RNF38: variants seen among roughly 807,000 people sequenced by gnomAD.
RNF38 encodes ring finger protein 38.
A neutral mutation model predicts 67.2 loss-of-function variants in RNF38; 15 were observed. The observed-to-expected ratio is 0.22, with a 90% CI of 0.15 to 0.34. The LOEUF (loss-of-function observed/expected upper bound fraction) is 0.34, where lower values mean the gene tolerates loss of function less well. Ranked by LOEUF, RNF38 falls within the 10% of genes least tolerant of loss-of-function variation. The probability of loss-of-function intolerance (pLI) is 1.00; values close to 1 mark genes in which losing one functional copy is unlikely to be tolerated. For synonymous variants in RNF38, 220 were observed against 218.8 expected, an observed-to-expected ratio of 1.01 and a Z score of -0.05; for missense variants, 524 against 639.9, an observed-to-expected ratio of 0.82 and a Z score of 1.95.
Position 36,336,959 on chromosome 9 carries a change from G to A in RNF38, c.*2793C>T, listed in dbSNP as rs1304493224. The A allele has an allele frequency of 2.0e-5, 3 of 151,970 alleles. No individual in the cohort carries two copies. Among genetic ancestry groups the A allele is most frequent in the African/African-American group, 7.3e-5 (3 of 41,354 alleles). 9.4% of individuals were successfully genotyped at this position (151,970 alleles called of 1,614,324 possible). On this transcript the variant is annotated 3_prime_UTR_variant, in exon 12 of 12. Transcript: ENST00000259605. Reference sequence around the variant, plus strand: ...TAATATGAGATCTTGATACCTGGAGGCCTTATTTTTTTGAGGGGCTGGGGG... The same window carrying A: ...TAATATGAGATCTTGATACCTGGAGACCTTATTTTTTTGAGGGGCTGGGGG...
chr9:36,468,705 G>A (rs1268852918), intron 1 of RNF38, among the ~76,000 whole-genome samples: 9 of 151,166 alleles, frequency 6.0e-5, no homozygotes, highest in East Asian at 2.0e-4. Flanking sequence ...CCAGCTACTC[G>A]GGAGGCCGAG....
At chr9:36,342,259 C>T in intron 11 of RNF38, 66 bp downstream of exon 11, 1 of 1,136,944 alleles carries the variant, frequency 8.8e-7, no homozygotes, top group Non-Finnish European at 1.3e-6. Context: ...TATGAACTTA[C>T]TCTAATCCAT....
chr9:36,421,466 C>A (rs569553659), intron 2 of RNF38, among the ~76,000 whole-genome samples: 1 of 151,878 alleles, frequency 6.6e-6, no homozygotes, highest in South Asian at 2.1e-4. Flanking sequence ...GAGTTTGAGA[C>A]CAGCCTGACC....
At chr9:36,350,002 G>C (rs1435082621) in intron 9 of RNF38, among the ~76,000 whole-genome samples, 1 of 151,990 alleles carries the variant, frequency 6.6e-6, no homozygotes, top group Non-Finnish European at 1.5e-5. Context: ...TATTTTTATA[G>C]AAACGGGGTT....
At chr9:36,404,839 C>G (rs1381580500), upstream of RNF38, among the ~76,000 whole-genome samples, 1 of 152,118 alleles carries the variant, frequency 6.6e-6, no homozygotes, top group Non-Finnish European at 1.5e-5. Flanking sequence ...TAGTACAGTG[C>G]TAACCAGACA....
upstream of RNF38, chr9:36,400,838 C>T: frequency 1.0e-6 from 1 of 982,666 alleles, no homozygotes; most frequent in Non-Finnish European, 1.2e-6. Flanking sequence ...CACGCCCCAA[C>T]CGACCGGGCC....
chr9:36,451,180 T>C (rs1230150736), intron 1 of RNF38, among the ~76,000 whole-genome samples: 2 of 150,650 alleles, frequency 1.3e-5, no homozygotes, highest in South Asian at 2.1e-4. Flanking sequence ...CTGCAGTATT[T>C]TGGCCGGGCG....
chr9:36,459,561 C>T (rs1490918067), intron 1 of RNF38, among the ~76,000 whole-genome samples: 1 of 152,122 alleles, frequency 6.6e-6, no homozygotes, highest in African/African-American at 2.4e-5. Flanking sequence ...TGTTTTCTGA[C>T]ACTGAAGAAT....
intron 1 of RNF38, among the ~76,000 whole-genome samples, chr9:36,484,000 G>T (rs1183526098): frequency 6.6e-6 from 1 of 152,248 alleles, no homozygotes; most frequent in East Asian, 1.9e-4. Context: ...AAAGTATCAC[G>T]TGGGTCAAAA....
intron 6 of RNF38, among the ~76,000 whole-genome samples, chr9:36,355,534 A>G (rs1381438234): frequency 6.6e-6 from 1 of 152,210 alleles, no homozygotes; most frequent in Non-Finnish European, 1.5e-5. Flanking sequence ...AAGTAACTCA[A>G]GTTCAGAAAG....
At chr9:36,342,508 TTC>T (rs1013970096) in intron 10 of RNF38, 84 bp from the exon 11 acceptor site, 93 of 854,340 alleles carry the variant, frequency 1.1e-4, no homozygotes, top group South Asian at 1.0e-3. Flanking sequence ...AGATAATTTA[TTC>T]TGTTATCAAA....
chr9:36,400,883 G>A (rs1837974833), upstream of RNF38: 1 of 960,312 alleles, frequency 1.0e-6, no homozygotes, highest in Non-Finnish European at 1.2e-6. Context: ...CTAGGGGCCC[G>A]GCCCGGCCAC....
chr9:36,437,133 C>G (rs1013124039), intron 1 of RNF38, among the ~76,000 whole-genome samples: 1 of 152,214 alleles, frequency 6.6e-6, no homozygotes, highest in Non-Finnish European at 1.5e-5. Context: ...CTTTCCTTCA[C>G]GCTTGCTCCT....
At chr9:36,404,910 GT>G (rs987487769), upstream of RNF38, among the ~76,000 whole-genome samples, 2 of 100,894 alleles carry the variant, frequency 2.0e-5, no homozygotes, top group Non-Finnish European at 4.9e-5. Flanking sequence ...GGTGTTTGTA[GT>G]TTTGTTTTTT....
intron 2 of RNF38, among the ~76,000 whole-genome samples, chr9:36,417,170 G>T (rs955723594): frequency 6.6e-6 from 1 of 152,198 alleles, no homozygotes; most frequent in Admixed American, 6.5e-5. Flanking sequence ...GTGAGGATGT[G>T]TGTTCAGAGG....
At chr9:36,378,378 T>C (rs1435227155) in intron 2 of RNF38, among the ~76,000 whole-genome samples, 2 of 151,892 alleles carry the variant, frequency 1.3e-5, no homozygotes, top group Non-Finnish European at 2.9e-5. Flanking sequence ...GGGTTTCACC[T>C]TGTTAGCTAG....
At chr9:36,474,859 G>A (rs1315600041) in intron 1 of RNF38, among the ~76,000 whole-genome samples, 3 of 147,548 alleles carry the variant, frequency 2.0e-5, no homozygotes, top group African/African-American at 7.5e-5. Flanking sequence ...ATCACACACA[G>A]GGCCGGGCGC....
chr9:36,378,632 A>G (rs1447216860), intron 2 of RNF38, among the ~76,000 whole-genome samples: 3 of 152,238 alleles, frequency 2.0e-5, no homozygotes, highest in Non-Finnish European at 4.4e-5. Flanking sequence ...AATGGAGGCG[A>G]ATGCTACAGA....
intron 2 of RNF38, among the ~76,000 whole-genome samples, chr9:36,414,504 G>C (rs562439131): frequency 2.2e-4 from 34 of 152,100 alleles, no homozygotes; most frequent in African/African-American, 8.0e-4. Context: ...GACCTACATG[G>C]AGAAACCCTG....
Sources: gnomAD v4.1 joint callset for allele counts (sites outside exome capture counted in the v4.1 genomes callset) on GRCh38, gnomAD v4.1.1 for gene constraint, MANE v1.5 for transcripts, NCBI Gene and HGNC (gene_info 2026-07-23, HGNC 2026-07-21) for gene names.